Variants in PRKCZ observed in about 807,000 individuals in gnomAD.
PRKCZ encodes the protein protein kinase C zeta type.
In PRKCZ, 33 loss-of-function variants were observed where a neutral mutation model predicts 79.5. That is an observed-to-expected ratio of 0.41 (90% confidence interval 0.31 to 0.55). PRKCZ has a LOEUF of 0.55. PRKCZ is among the 20% of genes least tolerant of loss of function. The pLI is 0.19. For missense variants in PRKCZ, 578 were observed against 813.5 expected (o/e 0.71, Z 3.52); for synonymous variants, 342 against 320.9 (o/e 1.07, Z -0.70).
At chr1:2,067,236 C>T (rs763444792) in intron 4 of PRKCZ, among the ~76,000 whole-genome samples, 7 of 152,182 alleles carry the variant, frequency 4.6e-5, no homozygotes, top group Admixed American at 2.0e-4. Context: ...GGTGTGCAGC[C>T]GCTGTGGGTA....
intron 1 of PRKCZ, 112 bp downstream of exon 1, chr1:2,050,813 C>T (rs1192082699): frequency 2.9e-6 from 2 of 698,110 alleles, no homozygotes; most frequent in East Asian, 3.6e-5. Flanking sequence ...GGCGAGGTCG[C>T]TGCGGGCCCG....
chr1:2,157,316 G>A (rs939256304), intron 10 of PRKCZ, among the ~76,000 whole-genome samples: 5 of 152,188 alleles, frequency 3.3e-5, no homozygotes, highest in African/African-American at 1.2e-4. Flanking sequence ...GCCCAGTCAA[G>A]GTGACCGTTG....
intron 4 of PRKCZ, chr1:2,074,162 A>G: frequency 6.5e-7 from 1 of 1,548,318 alleles, no homozygotes; most frequent in Non-Finnish European, 8.7e-7. Context: ...GGGGAAACGC[A>G]GTGAGAGGCT....
intron 4 of PRKCZ, among the ~76,000 whole-genome samples, chr1:2,087,025 A>G (rs1664644083): frequency 6.6e-6 from 1 of 152,084 alleles, no homozygotes; most frequent in South Asian, 2.1e-4. Context: ...TGTCAGTATG[A>G]TGGTCAGTTG....
rs1049265250 is a variant in PRKCZ at position 2,174,557 on chromosome 1, C to T, written c.1406-197C>T. 2.0e-5 allele frequency among the ~76,000 whole-genome samples: 3 copies of T among 152,254 alleles called. No individual in the cohort carries two copies. Among genetic ancestry groups the T allele is most frequent in the African/African-American group, 7.2e-5 (3 of 41,468 alleles). ...TTCACGTCCGATCCTACGACACGTGCCAGCGCATGTAACCAGGAGGCCCAG... is the reference window on the plus strand; with the variant it reads ...TTCACGTCCGATCCTACGACACGTGTCAGCGCATGTAACCAGGAGGCCCAG... On this transcript the variant is annotated intron_variant, in intron 14 of 17. Coordinates refer to ENST00000378567, the MANE Select transcript of PRKCZ (RefSeq NM_002744.6). The surrounding 1 kb of genome is among the most constrained non-coding windows in gnomAD (Gnocchi z 6.2).
chr1:2,124,407 T>C lies in PRKCZ; in HGVS notation c.335-10855T>C, dbSNP rs372854518. On this transcript the variant is annotated intron_variant, in intron 4 of 17. Transcript: ENST00000378567. ...GTCACGGCGGTGGTTAGGGTCACGGTGGTGGTTAGGGTCACAGGGTAGAAC... is the reference window on the plus strand; with the variant it reads ...GTCACGGCGGTGGTTAGGGTCACGGCGGTGGTTAGGGTCACAGGGTAGAAC... 4.8e-4 allele frequency among the ~76,000 whole-genome samples: 63 copies of C among 132,072 alleles called. 11 individuals carry two copies. The highest frequency in any genetic ancestry group is 1.7e-3 in the African/African-American group (56 of 32,540). 86.6% of individuals were successfully genotyped at this position (132,072 alleles called of 152,430 possible). A position where few individuals can be genotyped will look rare whatever the true frequency, so the allele number is the denominator to read the frequency against.
intron 16 of PRKCZ, chr1:2,184,307 G>C (rs145876469): frequency 2.6e-6 from 1 of 384,770 alleles, no homozygotes; most frequent in Non-Finnish European, 4.8e-6. Context: ...CAAGGAAGGG[G>C]GTGGCCTCGC....
chr1:2,067,441 G>A (rs1571141169), intron 4 of PRKCZ, among the ~76,000 whole-genome samples: 1 of 152,254 alleles, frequency 6.6e-6, no homozygotes, highest in East Asian at 1.9e-4. Flanking sequence ...GGCTGAGCGT[G>A]TGATGAGATC....
At chr1:2,110,643 C>T (rs1348029109) in intron 4 of PRKCZ, among the ~76,000 whole-genome samples, 3 of 152,142 alleles carry the variant, frequency 2.0e-5, no homozygotes, top group Non-Finnish European at 4.4e-5. Flanking sequence ...TGTCCACCCT[C>T]ACACCATCGC....
intron 4 of PRKCZ, among the ~76,000 whole-genome samples, chr1:2,113,651 C>T (rs1670181535): frequency 6.6e-6 from 1 of 152,162 alleles, no homozygotes; most frequent in Admixed American, 6.5e-5. Flanking sequence ...CATTTTTTGT[C>T]TTTCCTCATG....
At position 2,149,927 on chromosome 1, in the gene PRKCZ, GGC is replaced by G. The variant is rs1423692227; in HGVS notation, c.688-861_688-860del. 2.6e-5 allele frequency among the ~76,000 whole-genome samples: 4 copies of G among 151,736 alleles called. No individual in the cohort carries two copies. Among genetic ancestry groups the G allele is most frequent in the Admixed American group, 1.3e-4 (2 of 15,242 alleles). On this transcript the variant is annotated intron_variant, in intron 8 of 17. Transcript: ENST00000378567. The surrounding 1 kb of genome is among the most constrained non-coding windows in gnomAD (Gnocchi z 4.1). ...TAATCCCAGCACTTTGGGAAGCTGA[GGC>G]GGGCAGATCACGAGGTCAGGAGATG... is the stretch of plus-strand genomic sequence containing the variant.
intron 4 of PRKCZ, among the ~76,000 whole-genome samples, chr1:2,129,641 CA>C (rs1030203523): frequency 2.0e-5 from 3 of 152,052 alleles, no homozygotes; most frequent in African/African-American, 7.2e-5. Flanking sequence ...GGGAGCCAGG[CA>C]GGGGGGGTCT....
rs527984984 is a variant in PRKCZ at position 2,087,734 on chromosome 1, G to A, written c.334+28143G>A. Among the ~76,000 whole-genome samples, 26 of 152,322 alleles carry A rather than the reference G, an allele frequency of 1.7e-4. 3 individuals carry two copies. In the South Asian group the frequency reaches 5.0e-3, roughly 29 times the overall value. The stretch of plus-strand genomic sequence containing the variant: ...TTTTGCTCTGAAGTGACCTTTTGGT[G>A]GGGGTGGCGGGGGAGGTTAAAACCT... On this transcript the variant is annotated intron_variant, in intron 4 of 17. Transcript: ENST00000378567.
At chr1:2,113,483 G>A (rs1670152019) in intron 4 of PRKCZ, among the ~76,000 whole-genome samples, 2 of 152,156 alleles carry the variant, frequency 1.3e-5, no homozygotes, top group Admixed American at 6.5e-5. Flanking sequence ...GAGGACCAGG[G>A]TGTCAGCCAG....
chr1:2,056,380 T>C, intron 2 of PRKCZ, 104 bp from the exon 3 acceptor site: 2 of 1,061,692 alleles, frequency 1.9e-6, no homozygotes, highest in Middle Eastern at 3.0e-4. Context: ...GCATCGGGAC[T>C]TTGCCCCCCA....
chr1:2,140,202 A>G (rs1459813085), intron 5 of PRKCZ, among the ~76,000 whole-genome samples: 1 of 152,220 alleles, frequency 6.6e-6, no homozygotes, highest in Non-Finnish European at 1.5e-5. Flanking sequence ...CCTGATGATA[A>G]ATAAATCAGG....
At chr1:2,169,387 C>G (rs1044564592) in intron 10 of PRKCZ, 131 bp from the exon 11 acceptor site, 7 of 784,266 alleles carry the variant, frequency 8.9e-6, no homozygotes, top group South Asian at 5.9e-5. Context: ...GCTCCTGCTG[C>G]TCTTTGCTCT....
intron 9 of PRKCZ, among the ~76,000 whole-genome samples, chr1:2,152,371 A>G (rs1441884165): frequency 1.3e-5 from 2 of 152,040 alleles, no homozygotes; most frequent in Non-Finnish European, 2.9e-5. Context: ...CAACTCTACT[A>G]AAAATACAAA....
At position 2,150,937 on chromosome 1, in the gene PRKCZ, G is replaced by T; in HGVS notation, c.835G>T (p.Ala279Ser). 1 of 1,614,096 alleles carries T rather than the reference G, an allele frequency of 6.2e-7. No homozygotes were observed. The highest frequency in any genetic ancestry group is 8.5e-7 in the Non-Finnish European group (1 of 1,180,040). ...VRLKKNDQIY[A>S]MKVVKKELVH... Reference sequence around the variant, plus strand: ...GTTGAAGAAGAATGACCAAATTTACGCCATGAAAGTGGTGAAGAAAGAGCT... The same window carrying T: ...GTTGAAGAAGAATGACCAAATTTACTCCATGAAAGTGGTGAAGAAAGAGCT... Residue 279 changes from alanine (A) to serine (S), a missense_variant, in exon 9 of 18, where the codon GCC (alanine) becomes TCC (serine). Around this residue, in one of 4 missense-constraint regions of PRKCZ, gnomAD observed 243 missense variants for 467.0 expected, o/e 0.52. Coordinates refer to ENST00000378567, the MANE Select transcript of PRKCZ (RefSeq NM_002744.6).
Sources: gnomAD v4.1 joint callset for allele counts (sites outside exome capture counted in the v4.1 genomes callset) on GRCh38, gnomAD v4.1.1 for gene constraint, gnomAD v4.1.1 regional missense constraint, Gnocchi (gnomAD v3.1) non-coding constraint, MANE v1.5 for transcripts, NCBI Gene and HGNC (gene_info 2026-07-23, HGNC 2026-07-21) for gene names.